Variants in EP400 observed in about 807,000 individuals in gnomAD.
EP400 encodes E1A-binding protein p400.
EP400 carries 105 observed loss-of-function variants against 354.1 expected under a neutral mutation model. The ratio of observed to expected loss-of-function variants is 0.30; its 90% confidence interval spans 0.25 to 0.35. The LOEUF (loss-of-function observed/expected upper bound fraction) is 0.35, where lower values mean the gene tolerates loss of function less well. EP400 is among the 10% of genes least tolerant of loss of function. EP400 has a pLI of 1.00. For missense variants in EP400, 3,280 were observed against 4,121.0 expected (o/e 0.80, Z 5.59); for synonymous variants, 1,646 against 1,716.9 (o/e 0.96, Z 1.02).
At chr12:132,036,823 G>T (rs563561992) in intron 30 of EP400, among the ~76,000 whole-genome samples, 59 of 152,332 alleles carry the variant, frequency 3.9e-4, no homozygotes, top group African/African-American at 1.4e-3. Context: ...GTGGTGGTTT[G>T]CTGTTGATGA....
At position 132,013,129 on chromosome 12, in the gene EP400, G is replaced by C; in HGVS notation, c.3562G>C (p.Val1188Leu). The C allele has an allele frequency of 6.2e-7, 1 of 1,614,142 alleles. No homozygotes were observed. ...CCTGGTCATTGATGAGATGCAGCGCGTGAAGGGCATGACCGAGAGGCACTG... is the reference window on the plus strand; with the variant it reads ...CCTGGTCATTGATGAGATGCAGCGCCTGAAGGGCATGACCGAGAGGCACTG... ...KCLVIDEMQRVKGMTERHWEA... is the reference protein window; with the variant it reads ...KCLVIDEMQRLKGMTERHWEA... Residue 1188 changes from valine to leucine, a missense_variant, in exon 17 of 53, where the codon GTG (valine) becomes CTG (leucine). By Grantham distance (32) the Val-to-Leu change is conservative. This residue lies in a region of EP400 where 242 missense variants were observed against 357.9 expected (regional missense o/e 0.68). Transcript: ENST00000389561. The surrounding 1 kb of genome is among the most constrained non-coding windows in gnomAD (Gnocchi z 4.5).
Position 131,962,368 on chromosome 12 carries a change from T to A in EP400, c.1335+414T>A, listed in dbSNP as rs1205789526. Among the ~76,000 whole-genome samples the A allele has an allele frequency of 5.3e-5, 8 of 152,194 alleles. 1 individual carries two copies. The East Asian group carries it at 1.3e-3, about 26-fold the overall frequency. ...TGAAAGCCCAGCACCCTTTGTCTGG[T>A]TTTCCAAGTTTCACATTTTACTCGT... is the stretch of plus-strand genomic sequence containing the variant. On this transcript the variant is annotated intron_variant, in intron 2 of 52. Coordinates refer to ENST00000389561, the MANE Select transcript of EP400 (RefSeq NM_015409.5).
chr12:131,985,318 C>G (rs892356089), intron 5 of EP400, among the ~76,000 whole-genome samples: 1 of 152,256 alleles, frequency 6.6e-6, no homozygotes, highest in Non-Finnish European at 1.5e-5. Context: ...CAGCCGCTCA[C>G]GGACAGCACG....
rs1183261685 is a variant in EP400 at position 132,057,105 on chromosome 12, A to T, written c.7884+1897A>T. ...AGAGTCCACAGTCGCTTCCTAAAACAGTTTCTTATAAAACCAAGCCTACTC... is the reference window on the plus strand; with the variant it reads ...AGAGTCCACAGTCGCTTCCTAAAACTGTTTCTTATAAAACCAAGCCTACTC... On this transcript the variant is annotated intron_variant, in intron 45 of 52. Transcript: ENST00000389561. 2.0e-5 allele frequency among the ~76,000 whole-genome samples: 3 copies of T among 152,228 alleles called. No individual in the cohort carries two copies. The East Asian group carries it at 5.8e-4, about 29-fold the overall frequency.
At position 132,017,422 on chromosome 12, in the gene EP400, A is replaced by G; in HGVS notation, c.3924-113A>G. ...TCTGTCTAACTCATTAAGCGGACCT[A>G]GAAAATCTGCTCCTGCCTGCCTTTC... On this transcript the variant is annotated intron_variant, in intron 19 of 52. Transcript: ENST00000389561. This position sits in a 1 kb window ranked among gnomAD's most constrained non-coding sequence, Gnocchi z 5.0. The G allele has an allele frequency of 2.6e-6, 3 of 1,173,506 alleles. No homozygotes were observed. The highest frequency in any genetic ancestry group is 1.5e-5 in the South Asian group (1 of 68,076). The allele number at this position is 1,173,506 out of a possible 1,614,324, so 72.7% of individuals were successfully genotyped here.
At position 132,013,997 on chromosome 12, in the gene EP400, G is replaced by T; in HGVS notation, c.3923+84G>T. 6.4e-7 allele frequency: 1 copy of T among 1,551,502 alleles called. No individual in the cohort carries two copies. Among genetic ancestry groups the T allele is most frequent in the Non-Finnish European group, 8.7e-7 (1 of 1,147,320 alleles). On this transcript the variant is annotated intron_variant, in intron 19 of 52. Coordinates refer to ENST00000389561, the MANE Select transcript of EP400 (RefSeq NM_015409.5). This position sits in a 1 kb window ranked among gnomAD's most constrained non-coding sequence, Gnocchi z 4.5. ...GCCCTTTCTGTGGCCTCAGCAGAAA[G>T]CTCCTTTCCGCAAGGATTGGGTGTC... is the stretch of plus-strand genomic sequence containing the variant.
Position 131,990,600 on chromosome 12 carries a change from A to G in EP400, c.2551-36A>G, listed in dbSNP as rs1423769038. The G allele has an allele frequency of 6.9e-7, 1 of 1,458,488 alleles. No individual in the cohort carries two copies. The highest frequency in any genetic ancestry group is 9.5e-7 in the Non-Finnish European group (1 of 1,049,148). The allele number at this position is 1,458,488 out of a possible 1,614,324, so 90.3% of individuals were successfully genotyped here. On this transcript the variant is annotated intron_variant, in intron 8 of 52. Transcript: ENST00000389561. The surrounding 1 kb of genome is among the most constrained non-coding windows in gnomAD (Gnocchi z 4.2). ...CAGAACGTCTGTAATTCCCATCCTT[A>G]GTAATGTGCTTATTCATTTAATCCT...
At position 132,025,570 on chromosome 12, in the gene EP400, G is replaced by GT. The variant is rs1894278054; in HGVS notation, c.4856-73dup. 2.8e-6 allele frequency: 4 copies of GT among 1,423,068 alleles called. No individual in the cohort carries two copies. The East Asian group carries it at 1.0e-4, about 37-fold the overall frequency. The allele number at this position is 1,423,068 out of a possible 1,614,324, so 88.2% of individuals were successfully genotyped here. A position where few individuals can be genotyped will look rare whatever the true frequency, so the allele number is the denominator to read the frequency against. On this transcript the variant is annotated intron_variant, in intron 24 of 52. Coordinates refer to ENST00000389561, the MANE Select transcript of EP400 (RefSeq NM_015409.5). The surrounding 1 kb of genome is among the most constrained non-coding windows in gnomAD (Gnocchi z 4.1). Reference sequence around the variant, plus strand: ...CAGTTTGTCAACTTATTTTTGTACTGTTTGGAAGTGCCTGGAGTGTGTGGC... The same window carrying GT: ...CAGTTTGTCAACTTATTTTTGTACTGTTTTGGAAGTGCCTGGAGTGTGTGGC...
At chr12:132,005,882 A>T (rs1893563996) in intron 13 of EP400, among the ~76,000 whole-genome samples, 2 of 151,496 alleles carry the variant, frequency 1.3e-5, no homozygotes, top group South Asian at 4.2e-4. Context: ...GGCAAATTAT[A>T]CTCTTGGAGG....
chr12:132,034,297 G>T (rs1434831335), intron 30 of EP400, among the ~76,000 whole-genome samples: 2 of 152,214 alleles, frequency 1.3e-5, no homozygotes, highest in African/African-American at 4.8e-5. Context: ...CTGAAGTGAG[G>T]CATGAGGTGG....
chr12:131,957,840 C>T (rs919341721), intron 1 of EP400, among the ~76,000 whole-genome samples: 13 of 152,110 alleles, frequency 8.5e-5, no homozygotes, highest in African/African-American at 3.1e-4. Context: ...CAGTGATCCG[C>T]CTATCTTGGC....
In EP400 at chr12:132,024,868, C is replaced by T. The variant is rs117759368; in HGVS notation, c.4856-778C>T. ...CCTTCCCTCACCTTCCTTCACCTTC[C>T]GTGACTGCAGCCTCAGCGACTGCCT... On this transcript the variant is annotated intron_variant, in intron 24 of 52. Coordinates refer to ENST00000389561, the MANE Select transcript of EP400 (RefSeq NM_015409.5). Among the ~76,000 whole-genome samples, 1,047 of 151,644 alleles carry T rather than the reference C, an allele frequency of 6.9e-3. 35 individuals are homozygous for T. The South Asian group carries it at 0.092, about 13-fold the overall frequency.
intron 12 of EP400, chr12:131,995,159 G>C (rs1344506452): frequency 3.9e-6 from 2 of 509,256 alleles, no homozygotes; most frequent in Non-Finnish European, 7.1e-6. Flanking sequence ...TGCCCTGACT[G>C]TCTTTCTTCC....
In EP400 at chr12:132,023,865, G is replaced by C; in HGVS notation, c.4779G>C (p.Gln1593His). The C allele has an allele frequency of 1.2e-6, 2 of 1,613,552 alleles. No individual in the cohort carries two copies. The highest frequency in any genetic ancestry group is 2.2e-5 in the South Asian group (2 of 90,954). ...VAQPETPVTLQFQGSKFTLSH... is the reference protein window; with the variant it reads ...VAQPETPVTLHFQGSKFTLSH... ...AGCCAGAGACGCCGGTGACACTGCAGTTCCAGGGCAGCAAGTTCACCCTGT... is the reference window on the plus strand; with the variant it reads ...AGCCAGAGACGCCGGTGACACTGCACTTCCAGGGCAGCAAGTTCACCCTGT... The change falls in exon 24 of 53, where the codon CAG becomes CAC. Residue 1593 changes from glutamine to histidine, a missense_variant. Gln to His is a conservative substitution (Grantham distance 24). This residue lies in a region of EP400 where 25 missense variants were observed against 51.2 expected (regional missense o/e 0.49). Coordinates refer to ENST00000389561, the MANE Select transcript of EP400 (RefSeq NM_015409.5).
chr12:132,038,156 A>G lies in EP400; in HGVS notation c.6207+60A>G. On this transcript the variant is annotated intron_variant, in intron 32 of 52. Coordinates refer to ENST00000389561, the MANE Select transcript of EP400 (RefSeq NM_015409.5). The surrounding 1 kb of genome is among the most constrained non-coding windows in gnomAD (Gnocchi z 4.2). ...CGGTGGGAGCCGGCGGAACACCTGC[A>G]CCCTCCCCCAGGGTTCTGGGTGCTC... 5.0e-6 allele frequency: 8 copies of G among 1,601,166 alleles called. No homozygotes were observed. Among genetic ancestry groups the G allele is most frequent in the Non-Finnish European group, 6.8e-6 (8 of 1,172,578 alleles).
intron 30 of EP400, among the ~76,000 whole-genome samples, chr12:132,034,683 C>CT (rs1232905714): frequency 6.6e-6 from 1 of 152,220 alleles, no homozygotes; most frequent in Non-Finnish European, 1.5e-5. Flanking sequence ...GTCGCAGTAA[C>CT]TGGAGGGCCT....
Position 132,020,187 on chromosome 12 carries a change from C to T in EP400, c.4416C>T (p.Ile1472=), listed in dbSNP as rs200339615. 182 of 1,609,822 alleles carry T rather than the reference C, an allele frequency of 1.1e-4. 2 individuals carry two copies. In the South Asian group the frequency reaches 1.6e-3, roughly 14 times the overall value. ...GCCCGCTTCGAGGACGGCCGCCCATCGCCACGTTCTCTGCCAATCCGGAGG... is the reference window on the plus strand; with the variant it reads ...GCCCGCTTCGAGGACGGCCGCCCATTGCCACGTTCTCTGCCAATCCGGAGG... ...PQGPLRGRPP[I]ATFSANPEAK... Residue 1472 remains isoleucine, a synonymous_variant, in exon 22 of 53, where the codon ATC becomes ATT. Transcript: ENST00000389561.
At chr12:132,066,992 C>T in intron 49 of EP400, 23 bp downstream of exon 49, 2 of 1,550,042 alleles carry the variant, frequency 1.3e-6, no homozygotes, top group Non-Finnish European at 1.7e-6. Flanking sequence ...GCACACCCTC[C>T]CGTCCTGGGC....
At chr12:131,971,189 G>GC (rs1892277239) in intron 2 of EP400, among the ~76,000 whole-genome samples, 1 of 152,114 alleles carries the variant, frequency 6.6e-6, no homozygotes, top group Non-Finnish European at 1.5e-5. Context: ...GGGCTGTAGA[G>GC]CAATACCCTG....
Sources: gnomAD v4.1 joint callset for allele counts (sites outside exome capture counted in the v4.1 genomes callset) on GRCh38, gnomAD v4.1.1 for gene constraint, gnomAD v4.1.1 regional missense constraint, Gnocchi (gnomAD v3.1) non-coding constraint, MANE v1.5 for transcripts, NCBI Gene and HGNC (gene_info 2026-07-23, HGNC 2026-07-21) for gene names.